MYBPC3: variants seen among roughly 807,000 people sequenced by gnomAD.
The protein encoded by MYBPC3 is myosin binding protein C3.
Under a neutral mutation model 159.3 loss-of-function variants are expected in MYBPC3, and 108 were observed. The ratio of observed to expected loss-of-function variants is 0.68; its 90% CI spans 0.58 to 0.80. MYBPC3 has a LOEUF of 0.80. MYBPC3 is among the 30% of genes least tolerant of loss of function. The pLI, the probability that MYBPC3 is intolerant of heterozygous loss-of-function variation, is 0.00. For missense variants in MYBPC3, 1,631 were observed against 1,762.1 expected, an observed-to-expected ratio of 0.93 and a Z score of 1.33; for synonymous variants, 730 against 702.0, an observed-to-expected ratio of 1.04 and a Z score of -0.63.
chr11:47,347,088 A>G, intron 9 of MYBPC3, 59 bp from the exon 10 acceptor site: 1 of 922,102 alleles, frequency 1.1e-6, no homozygotes, highest in Admixed American at 1.8e-5. Flanking sequence ...GAGAGAGGGC[A>G]GAGAGAACAT....
In MYBPC3 at chr11:47,346,235, G is replaced by T. The variant is rs1555122748; in HGVS notation, c.1062C>A (p.Gly354=). 1 of 1,613,908 alleles carries T rather than the reference G, an allele frequency of 6.2e-7. No homozygotes were observed. The change falls in exon 12 of 35, where the codon GGC becomes GGA. Residue 354 remains glycine (G), a synonymous_variant. Transcript: ENST00000545968. This position sits in a 1 kb window ranked among gnomAD's most constrained non-coding sequence, Gnocchi z 5.3. ...DLRGMLKRLK[G]MRRDEKKSTA... is the part of the protein sequence containing the mutation. ...TGCTCTTCTTCTCATCGCGCCTCAT[G>T]CCCTTGAGCCTCTTTAGCATGCCGC...
intron 25 of MYBPC3, chr11:47,336,232 A>C: frequency 2.8e-6 from 1 of 362,206 alleles, no homozygotes; most frequent in Non-Finnish European, 4.9e-6. Flanking sequence ...TCACGCCTGT[A>C]ATCCCAGCAC....
intron 20 of MYBPC3, 148 bp downstream of exon 20, chr11:47,340,855 C>T (rs764829133): frequency 4.6e-6 from 4 of 872,148 alleles, no homozygotes; most frequent in Non-Finnish European, 6.7e-6. Flanking sequence ...TTATAATTGA[C>T]CCATGGTCAT....
At position 47,347,303 on chromosome 11, in the gene MYBPC3, A is replaced by G. The variant is rs2095895284; in HGVS notation, c.905+123T>C. ...CACACTGGGATCATCCCCTCGACAGACAAGGAAACCAACTCAGAGAGGTGC... is the reference window on the plus strand; with the variant it reads ...CACACTGGGATCATCCCCTCGACAGGCAAGGAAACCAACTCAGAGAGGTGC... On this transcript the variant is annotated intron_variant, in intron 9 of 34. Transcript: ENST00000545968. 3.3e-6 allele frequency: 5 copies of G among 1,534,000 alleles called. No homozygotes were observed. In the South Asian group the frequency reaches 6.1e-5, roughly 19 times the overall value.
Position 47,351,618 on chromosome 11 carries a change from T to G in MYBPC3, c.26-113A>C. 2 of 1,190,168 alleles carry G rather than the reference T, an allele frequency of 1.7e-6. No individual in the cohort carries two copies. Among genetic ancestry groups the G allele is most frequent in the Non-Finnish European group, 2.3e-6 (2 of 880,986 alleles). The allele number at this position is 1,190,168 out of a possible 1,614,324, so 73.7% of individuals were successfully genotyped here. A position where few individuals can be genotyped will look rare whatever the true frequency, so the allele number is the denominator to read the frequency against. ...ACTTTCTATGCATCCCCTCACGTAA[T>G]ACTCTACCAGTTCTCTGAGGTAGTT... On this transcript the variant is annotated intron_variant, in intron 1 of 34. Transcript: ENST00000545968. The surrounding 1 kb of genome is among the most constrained non-coding windows in gnomAD (Gnocchi z 4.2).
rs745957052 is a variant in MYBPC3 at position 47,342,049 on chromosome 11, G to A, written c.1732C>T (p.Leu578=). The part of the protein sequence containing the change: ...VSDENVRGVW[L]KNGKELVPDS... ...GGCACCAGCTCCTTCCCATTCTTCA[G>A]CCACACACCCCGAACATTCTCATCT... is the stretch of plus-strand genomic sequence containing the variant. Residue 578 remains leucine (L), a synonymous_variant, in exon 18 of 35, where the codon CTG becomes TTG. Transcript: ENST00000545968. 1 of 1,610,190 alleles carries A rather than the reference G, an allele frequency of 6.2e-7. No individual in the cohort carries two copies. The highest frequency in any genetic ancestry group is 8.5e-7 in the Non-Finnish European group (1 of 1,178,176).
chr11:47,336,242 C>G (rs148762074), intron 25 of MYBPC3: 2 of 332,674 alleles, frequency 6.0e-6, no homozygotes, highest in African/African-American at 4.3e-5. Flanking sequence ...AATCCCAGCA[C>G]TTTGGGAGGC....
chr11:47,333,900 C>T lies in MYBPC3; in HGVS notation c.2994+22G>A, dbSNP rs1391084781. The T allele has an allele frequency of 3.2e-6, 5 of 1,561,454 alleles. No homozygotes were observed. In the South Asian group the frequency reaches 4.7e-5, roughly 15 times the overall value. On this transcript the variant is annotated intron_variant, in intron 28 of 34. Transcript: ENST00000545968. Reference sequence around the variant, plus strand: ...ACTATAGCCTCTCTCCCCTGGGGGACAGGGAAGGGGGCCAGTCCCACCTGG... The same window carrying T: ...ACTATAGCCTCTCTCCCCTGGGGGATAGGGAAGGGGGCCAGTCCCACCTGG...
rs1365437721 is a variant in MYBPC3, at chr11:47,332,027, C to T, written c.3814+45G>A. The T allele has an allele frequency of 2.5e-6, 4 of 1,600,692 alleles. No individual in the cohort carries two copies. The African/African-American group carries it at 5.4e-5, about 21-fold the overall frequency. ...GCAAAGCCCAGGGTCCCCACTGCCGCCCGCTCTTCCCATCTCCCAGGCCCT... is the reference window on the plus strand; with the variant it reads ...GCAAAGCCCAGGGTCCCCACTGCCGTCCGCTCTTCCCATCTCCCAGGCCCT... On this transcript the variant is annotated intron_variant, in intron 33 of 34. Coordinates refer to ENST00000545968, the MANE Select transcript of MYBPC3 (RefSeq NM_000256.3). The surrounding 1 kb of genome is among the most constrained non-coding windows in gnomAD (Gnocchi z 4.2).
In MYBPC3 at chr11:47,346,084, T is replaced by TG. The variant is rs972613492; in HGVS notation, c.1090+122dup. 17 of 1,340,762 alleles carry TG rather than the reference T, an allele frequency of 1.3e-5. No homozygotes were observed. Among genetic ancestry groups the TG allele is most frequent in the Non-Finnish European group, 1.6e-5 (16 of 990,634 alleles). The allele number at this position is 1,340,762 out of a possible 1,614,324, so 83.1% of individuals were successfully genotyped here. The stretch of plus-strand genomic sequence containing the variant: ...GCTCTTTCCATGTATGTGGACGAGG[T>TG]GGGGGGCTAACCTGTGCCCTCTCCT... On this transcript the variant is annotated intron_variant, in intron 12 of 34. Transcript: ENST00000545968. The surrounding 1 kb of genome is among the most constrained non-coding windows in gnomAD (Gnocchi z 5.3).
chr11:47,343,572 G>A lies in MYBPC3; in HGVS notation c.1143C>T (p.Ile381=), dbSNP rs1555122449. 1 of 1,612,984 alleles carries A rather than the reference G, an allele frequency of 6.2e-7. No homozygotes were observed. The highest frequency in any genetic ancestry group is 8.5e-7 in the Non-Finnish European group (1 of 1,179,610). The change falls in exon 13 of 35, where the codon ATC becomes ATT. Residue 381 remains isoleucine (I), a synonymous_variant. Coordinates refer to ENST00000545968, the MANE Select transcript of MYBPC3 (RefSeq NM_000256.3). ...GGTCAGCCAGTTCCACGGTCAGCCG[G>A]ATCTTGTGGCCTTTGCTCACCTGGT... ...PAYQVSKGHK[I]RLTVELADHD... is the part of the protein sequence containing the mutation.
At chr11:47,349,672 C>T (rs754154651) in intron 5 of MYBPC3, 102 bp downstream of exon 5, 35 of 1,437,194 alleles carry the variant, frequency 2.4e-5, no homozygotes, top group Non-Finnish European at 3.0e-5. Context: ...GCTTGCAGCT[C>T]GTGTGTGCCT....
intron 17 of MYBPC3, 144 bp from the exon 18 acceptor site, chr11:47,342,300 G>T: frequency 1.8e-6 from 2 of 1,138,958 alleles, no homozygotes; most frequent in Non-Finnish European, 2.4e-6. Context: ...GCCTGTGTGT[G>T]CCATGTTTGC....
chr11:47,350,157 T>C (rs774304836), intron 3 of MYBPC3, 45 bp from the exon 4 acceptor site: 21 of 1,533,150 alleles, frequency 1.4e-5, no homozygotes, highest in African/African-American at 2.8e-5. Flanking sequence ...GGAGTCTTGC[T>C]CTGTCACCCA....
At chr11:47,340,953 G>A (rs1457902552) in intron 20 of MYBPC3, 50 bp downstream of exon 20, 1 of 1,490,934 alleles carries the variant, frequency 6.7e-7, no homozygotes, top group Non-Finnish European at 8.9e-7. Flanking sequence ...CTGCGTGGGT[G>A]GGTTGCGGGA....
At chr11:47,341,923 C>A in intron 18 of MYBPC3, 68 bp downstream of exon 18, 1 of 1,532,786 alleles carries the variant, frequency 6.5e-7, no homozygotes, top group Non-Finnish European at 8.8e-7. Flanking sequence ...CTCTCTGTTT[C>A]TCCCTGTGTC....
Position 47,341,191 on chromosome 11 carries a change from CTG to C in MYBPC3, c.1842_1843del (p.Tyr614Ter). 1.3e-6 allele frequency: 2 copies of C among 1,592,088 alleles called. No homozygotes were observed. Among genetic ancestry groups the C allele is most frequent in the Admixed American group, 1.7e-5 (1 of 57,210 alleles). ...GCAGGCGAAGCCCTCGGGCACAAAG[CTG>C]TAGTCAGCCTCGTCGGCAGGTGTGA... On this transcript the variant is annotated stop_gained and frameshift_variant, in exon 19 of 35. Transcript: ENST00000545968. LOFTEE classifies it high-confidence loss of function.
Position 47,350,604 on chromosome 11 carries a change from G to T in MYBPC3, c.304C>A (p.Pro102Thr). ...GGGGCAGGGGCAGGGGCCAGCATGG[G>T]CTCTGCCTTCTCTGGAGGGGATCAG... ...LKVIEAEKAE[P>T]MLAPAPAPAE... Residue 102 changes from proline (P) to threonine (T), a missense_variant, in exon 3 of 35, where the codon CCC (proline) becomes ACC (threonine). Transcript: ENST00000545968. 3 of 1,500,634 alleles carry T rather than the reference G, an allele frequency of 2.0e-6. No homozygotes were observed. Among genetic ancestry groups the T allele is most frequent in the Non-Finnish European group, 2.6e-6 (3 of 1,134,192 alleles). 93.0% of individuals were successfully genotyped at this position (1,500,634 alleles called of 1,614,324 possible). A position where few individuals can be genotyped will look rare whatever the true frequency, so the allele number is the denominator to read the frequency against.
intron 22 of MYBPC3, among the ~76,000 whole-genome samples, 155 bp downstream of exon 22, chr11:47,339,169 T>C (rs1333106251): frequency 6.6e-6 from 1 of 152,192 alleles, no homozygotes; most frequent in African/African-American, 2.4e-5. Context: ...ACCCTCTGCC[T>C]GAGGTGTGAG....
Sources: allele counts gnomAD v4.1 joint callset (sites outside exome capture counted in the v4.1 genomes callset), GRCh38; gene constraint gnomAD v4.1.1; non-coding constraint Gnocchi (gnomAD v3.1); transcripts MANE v1.5; gene names NCBI Gene and HGNC (gene_info 2026-07-23, HGNC 2026-07-21).